ZFPM2: variants seen among roughly 807,000 people sequenced by gnomAD.
The protein encoded by ZFPM2 is zinc finger protein, FOG family member 2.
In ZFPM2, 20 loss-of-function variants were observed where a neutral mutation model predicts 98.6. The ratio of observed to expected loss-of-function variants is 0.20; its 90% CI spans 0.14 to 0.29. ZFPM2 has a LOEUF of 0.29. Ranked by LOEUF, ZFPM2 falls within the 10% of genes least tolerant of loss-of-function variation. ZFPM2 has a pLI of 1.00. For synonymous variants in ZFPM2, 518 were observed against 502.7 expected, an observed-to-expected ratio of 1.03 and a Z score of -0.41; for missense variants, 1,310 against 1,388.6, an observed-to-expected ratio of 0.94 and a Z score of 0.90.
intron 1 of ZFPM2, among the ~76,000 whole-genome samples, chr8:105,388,188 C>T (rs1811039645): frequency 6.6e-6 from 1 of 152,124 alleles, no homozygotes; most frequent in African/African-American, 2.4e-5. Flanking sequence ...TATGCAAACA[C>T]ATGTGCATAT....
In ZFPM2 at chr8:105,802,224, C is replaced by T. The variant is rs1342370380; in HGVS notation, c.2142C>T (p.His714=). Residue 714 remains histidine, a synonymous_variant, in exon 8 of 8, where the codon CAC becomes CAT. Coordinates refer to ENST00000407775, the MANE Select transcript of ZFPM2 (RefSeq NM_012082.4). ...VHKQYYCATR[H]DPPLKRSASN... Reference sequence around the variant, plus strand: ...AACAGTATTACTGTGCTACACGCCACGACCCTCCACTGAAGAGGTCTGCTT... The same window carrying T: ...AACAGTATTACTGTGCTACACGCCATGACCCTCCACTGAAGAGGTCTGCTT... 6 of 1,613,780 alleles carry T rather than the reference C, an allele frequency of 3.7e-6. No individual in the cohort carries two copies. The African/African-American group carries it at 5.3e-5, about 14-fold the overall frequency.
intron 1 of ZFPM2, among the ~76,000 whole-genome samples, chr8:105,362,083 A>G (rs1034372180): frequency 6.6e-6 from 1 of 152,192 alleles, no homozygotes. Flanking sequence ...GTATGTGTGC[A>G]TACTATTTTT....
At chr8:105,635,330 A>G (rs962610551) in intron 5 of ZFPM2, among the ~76,000 whole-genome samples, 4 of 152,172 alleles carry the variant, frequency 2.6e-5, no homozygotes, top group Non-Finnish European at 5.9e-5. Flanking sequence ...AAAGACTCTT[A>G]AAAACTTGCT....
At chr8:105,785,928 G>C (rs1022292776) in intron 5 of ZFPM2, among the ~76,000 whole-genome samples, 4 of 151,028 alleles carry the variant, frequency 2.6e-5, no homozygotes, top group African/African-American at 9.7e-5. Context: ...TGTAGTCCCA[G>C]CTACTCGGGA....
intron 4 of ZFPM2, among the ~76,000 whole-genome samples, chr8:105,592,359 C>T (rs1485479908): frequency 6.6e-6 from 1 of 151,952 alleles, no homozygotes; most frequent in East Asian, 1.9e-4. Context: ...CTCATTTGGC[C>T]ATTGAAGGGT....
At chr8:105,732,197 G>A (rs939862501) in intron 5 of ZFPM2, among the ~76,000 whole-genome samples, 20 of 151,684 alleles carry the variant, frequency 1.3e-4, no homozygotes, top group Non-Finnish European at 2.2e-4. Context: ...CTATGCATAC[G>A]TTATCACTTA....
At chr8:105,521,130 TATAC>T (rs933641922) in intron 3 of ZFPM2, among the ~76,000 whole-genome samples, 7 of 129,464 alleles carry the variant, frequency 5.4e-5, no homozygotes, top group South Asian at 2.6e-4. Context: ...TGTATATATA[TATAC>T]ACACACACAC....
In ZFPM2 at chr8:105,803,489, C is replaced by T. The variant is rs781166654; in HGVS notation, c.3407C>T (p.Thr1136Ile). 1.7e-5 allele frequency: 27 copies of T among 1,612,874 alleles called. No individual in the cohort carries two copies. The highest frequency in any genetic ancestry group is 2.3e-5 in the Non-Finnish European group (27 of 1,179,388). Residue 1136 changes from threonine to isoleucine, a missense_variant, in exon 8 of 8, where the codon ACT (threonine) becomes ATT (isoleucine). Coordinates refer to ENST00000407775, the MANE Select transcript of ZFPM2 (RefSeq NM_012082.4). ...TTCAACAACCTTTCAAACTTTATAA[C>T]TCACAAGAAGTTTTATTGCTCATCA... ...IQFNNLSNFITHKKFYCSSHA... is the reference protein window; with the variant it reads ...IQFNNLSNFIIHKKFYCSSHA...
intron 5 of ZFPM2, among the ~76,000 whole-genome samples, chr8:105,667,513 G>T (rs1379034557): frequency 1.3e-5 from 2 of 152,174 alleles, no homozygotes; most frequent in Admixed American, 6.5e-5. Context: ...ATTGCACACT[G>T]CAATTCACCT....
chr8:105,671,957 A>G (rs1817607123), intron 5 of ZFPM2, among the ~76,000 whole-genome samples: 2 of 152,186 alleles, frequency 1.3e-5, no homozygotes, highest in Non-Finnish European at 2.9e-5. Flanking sequence ...TTTGAACTGC[A>G]TTACATCTTA....
At chr8:105,562,313 A>ATAAT (rs1211789927) in intron 4 of ZFPM2, among the ~76,000 whole-genome samples, 5 of 111,330 alleles carry the variant, frequency 4.5e-5, no homozygotes. Context: ...CCATCTCAAA[A>ATAAT]TAATAAATAA....
intron 5 of ZFPM2, among the ~76,000 whole-genome samples, chr8:105,673,187 C>CTTTTTTTTTTTTTTT (rs5893754): frequency 1.5e-4 from 13 of 87,526 alleles, no homozygotes; most frequent in African/African-American, 5.9e-4. Flanking sequence ...AAATAGCATG[C>CTTTTTTTTTTTTTTT]TTTTTTTTTT....
intron 5 of ZFPM2, among the ~76,000 whole-genome samples, chr8:105,747,435 C>T (rs1461532220): frequency 6.6e-6 from 1 of 151,996 alleles, no homozygotes; most frequent in Non-Finnish European, 1.5e-5. Context: ...ATGTAATGTT[C>T]TCTGAGTTAA....
chr8:105,661,592 G>A (rs1163003735), intron 5 of ZFPM2, among the ~76,000 whole-genome samples: 2 of 152,088 alleles, frequency 1.3e-5, no homozygotes, highest in African/African-American at 2.4e-5. Flanking sequence ...GTTGTCTGTT[G>A]GCAGTATAGT....
chr8:105,746,475 A>C (rs1812348010), intron 5 of ZFPM2, among the ~76,000 whole-genome samples: 1 of 152,048 alleles, frequency 6.6e-6, no homozygotes, highest in Admixed American at 6.6e-5. Context: ...GCAATAGCAA[A>C]TGCTCATTTG....
chr8:105,563,037 A>G (rs1563721286), intron 4 of ZFPM2, among the ~76,000 whole-genome samples: 2 of 152,194 alleles, frequency 1.3e-5, no homozygotes, highest in Non-Finnish European at 2.9e-5. Context: ...ATAAGTATTT[A>G]TTCCCCTGAA....
At chr8:105,598,109 C>A (rs1428414816) in intron 4 of ZFPM2, among the ~76,000 whole-genome samples, 1 of 141,474 alleles carries the variant, frequency 7.1e-6, no homozygotes, top group Admixed American at 7.4e-5. Flanking sequence ...TGTTATTCTG[C>A]AGCATTGGCC....
chr8:105,590,313 TGTC>T (rs1324928717), intron 4 of ZFPM2, among the ~76,000 whole-genome samples: 8 of 152,220 alleles, frequency 5.3e-5, no homozygotes, highest in Non-Finnish European at 7.3e-5. Context: ...ATAAAACTAT[TGTC>T]GTTACTTCTG....
In ZFPM2 at chr8:105,798,799, A is replaced by G; in HGVS notation, c.815A>G (p.Tyr272Cys). ...ERNLQAHLMY[Y>C]CSGRQREAAP... is the part of the protein sequence containing the mutation. Reference sequence around the variant, plus strand: ...AATCTGCAGGCCCATTTGATGTACTACTGCAGTGGGAGGCAAAGAGAAGCT... The same window carrying G: ...AATCTGCAGGCCCATTTGATGTACTGCTGCAGTGGGAGGCAAAGAGAAGCT... The change falls in exon 7 of 8, where the codon TAC (tyrosine) becomes TGC (cysteine). Residue 272 changes from tyrosine (Y) to cysteine (C), a missense_variant. By Grantham distance (194) the Tyr-to-Cys change is radical. Transcript: ENST00000407775. 1.9e-6 allele frequency: 3 copies of G among 1,613,932 alleles called. No individual in the cohort carries two copies. Among genetic ancestry groups the G allele is most frequent in the Non-Finnish European group, 2.5e-6 (3 of 1,179,862 alleles).
Sources: allele counts gnomAD v4.1 joint callset (sites outside exome capture counted in the v4.1 genomes callset), GRCh38; gene constraint gnomAD v4.1.1; transcripts MANE v1.5; gene names NCBI Gene and HGNC (gene_info 2026-07-23, HGNC 2026-07-21).